PPP2R2A: variants seen among roughly 807,000 people sequenced by gnomAD.
The protein encoded by PPP2R2A is serine/threonine-protein phosphatase 2A 55 kDa regulatory subunit B alpha isoform.
Under a neutral mutation model 53.2 loss-of-function variants are expected in PPP2R2A, and 9 were observed. The observed-to-expected ratio is 0.17, with a 90% confidence interval of 0.10 to 0.30. PPP2R2A has a LOEUF of 0.30. Ranked by LOEUF, PPP2R2A falls within the 10% of genes least tolerant of loss-of-function variation. The pLI is 1.00. For synonymous variants in PPP2R2A, 169 were observed against 174.2 expected (o/e 0.97, Z 0.23); for missense variants, 235 against 534.6 (o/e 0.44, Z 5.53).
At chr8:26,304,705 T>A (rs1801932536) in intron 2 of PPP2R2A, among the ~76,000 whole-genome samples, 1 of 152,226 alleles carries the variant, frequency 6.6e-6, no homozygotes, top group African/African-American at 2.4e-5. Flanking sequence ...AAGGCTCTAA[T>A]TCAAGAGAAA....
intron 3 of PPP2R2A, 54 bp downstream of exon 3, chr8:26,339,041 T>G: frequency 7.5e-7 from 1 of 1,327,814 alleles, no homozygotes; most frequent in Non-Finnish European, 1.1e-6. Context: ...GGACTAGAGC[T>G]TGTGTTGCAC....
intron 4 of PPP2R2A, among the ~76,000 whole-genome samples, chr8:26,357,321 A>T (rs1479229346): frequency 7.4e-6 from 1 of 134,702 alleles, no homozygotes; most frequent in African/African-American, 2.7e-5. Flanking sequence ...TATAAAAACT[A>T]TATCTGTGGG....
Position 26,371,314 on chromosome 8 carries a change from A to G in PPP2R2A, c.*901A>G, listed in dbSNP as rs1191816576. 6.7e-6 allele frequency: 1 copy of G among 148,922 alleles called. No homozygotes were observed. Among genetic ancestry groups the G allele is most frequent in the African/African-American group, 2.5e-5 (1 of 40,716 alleles). 9.2% of individuals were successfully genotyped at this position (148,922 alleles called of 1,614,324 possible). A position where few individuals can be genotyped will look rare whatever the true frequency, so the allele number is the denominator to read the frequency against. ...GGTTCTCTATGAACATATTTTGAAT[A>G]TAGGTTTTATTAAGGATTTCACAAT... On this transcript the variant is annotated 3_prime_UTR_variant, in exon 10 of 10. Transcript: ENST00000380737.
intron 2 of PPP2R2A, among the ~76,000 whole-genome samples, chr8:26,316,574 T>C (rs1042096792): frequency 2.4e-4 from 37 of 152,352 alleles, no homozygotes; most frequent in African/African-American, 8.4e-4. Flanking sequence ...AAGACATTTG[T>C]CAAAGACCTT....
intron 2 of PPP2R2A, among the ~76,000 whole-genome samples, chr8:26,305,763 A>G (rs189590912): frequency 6.6e-6 from 1 of 152,314 alleles, no homozygotes; most frequent in East Asian, 1.9e-4. Flanking sequence ...AGATGATACT[A>G]GAGTCTGAGT....
chr8:26,358,624 C>CT (rs1214295328), intron 4 of PPP2R2A, among the ~76,000 whole-genome samples: 16 of 152,298 alleles, frequency 1.1e-4, no homozygotes, highest in East Asian at 1.9e-4. Context: ...TGGCATCTCT[C>CT]TGAGTTGTTT....
In PPP2R2A at chr8:26,363,780, A is replaced by G; in HGVS notation, c.862A>G (p.Ile288Val). 1 of 1,608,100 alleles carries G rather than the reference A, an allele frequency of 6.2e-7. No homozygotes were observed. Among genetic ancestry groups the G allele is most frequent in the Non-Finnish European group, 8.5e-7 (1 of 1,175,816 alleles). ...ATTTTTTTCCGAAATCATCTCCTCT[A>G]TTTCGGATGTAAAATTCAGCCATAG... ...RSFFSEIISS[I>V]SDVKFSHSGR... The change falls in exon 8 of 10, where the codon ATT becomes GTT. Residue 288 changes from isoleucine to valine, a missense_variant. Ile to Val is a conservative substitution (Grantham distance 29). This residue lies in a region of PPP2R2A where 181 missense variants were observed against 409.9 expected (regional missense o/e 0.44). Transcript: ENST00000380737.
intron 2 of PPP2R2A, among the ~76,000 whole-genome samples, chr8:26,330,411 C>T (rs1222152932): frequency 2.6e-5 from 4 of 150,986 alleles, no homozygotes; most frequent in South Asian, 2.1e-4. Flanking sequence ...CGGGTTCAAG[C>T]GATCCTCCCA....
intron 3 of PPP2R2A, among the ~76,000 whole-genome samples, chr8:26,349,655 A>G (rs1804394444): frequency 6.6e-6 from 1 of 152,222 alleles, no homozygotes; most frequent in Admixed American, 6.5e-5. Context: ...ATACTAGCAG[A>G]TTATTACATA....
At position 26,362,205 on chromosome 8, in the gene PPP2R2A, A is replaced by G. The variant is rs754375495; in HGVS notation, c.638-479A>G. 1.7e-4 allele frequency among the ~76,000 whole-genome samples: 26 copies of G among 151,784 alleles called. No individual in the cohort carries two copies. Among genetic ancestry groups the G allele is most frequent in the African/African-American group, 3.1e-4 (13 of 41,414 alleles). On this transcript the variant is annotated intron_variant, in intron 6 of 9. Coordinates refer to ENST00000380737, the MANE Select transcript of PPP2R2A (RefSeq NM_002717.4). This position sits in a 1 kb window ranked among gnomAD's most constrained non-coding sequence, Gnocchi z 4.4. ...ATGATTGGGTAAATAAAAATATTCT[A>G]TTGAGGCCGGGCACAGTGACTCATG...
intron 2 of PPP2R2A, among the ~76,000 whole-genome samples, chr8:26,319,024 G>GAGA (rs1802700333): frequency 6.6e-6 from 1 of 152,018 alleles, no homozygotes; most frequent in Non-Finnish European, 1.5e-5. Flanking sequence ...CCTCATTCCT[G>GAGA]TCTCCCCAGC....
chr8:26,336,446 C>T (rs1329140797), intron 2 of PPP2R2A, among the ~76,000 whole-genome samples: 1 of 151,818 alleles, frequency 6.6e-6, no homozygotes, highest in African/African-American at 2.4e-5. Flanking sequence ...AATAAATTGG[C>T]GTGGAATGTG....
chr8:26,310,668 C>T (rs67306062), intron 2 of PPP2R2A, among the ~76,000 whole-genome samples: 9,785 of 46,686 alleles, frequency 0.21, 490 homozygotes, highest in East Asian at 0.36. Context: ...TTTTTTTTTC[C>T]TTTTTTTTTT....
intron 1 of PPP2R2A, chr8:26,292,100 G>A: frequency 8.3e-7 from 1 of 1,200,008 alleles, no homozygotes; most frequent in Non-Finnish European, 1.0e-6. Context: ...CGTGGGTGGG[G>A]CGGGGTGGGG....
chr8:26,312,242 T>C (rs1021138144), intron 2 of PPP2R2A, among the ~76,000 whole-genome samples: 5 of 152,204 alleles, frequency 3.3e-5, no homozygotes, highest in African/African-American at 1.2e-4. Context: ...GTGTGCTGTT[T>C]TGTTAAAAGA....
chr8:26,309,757 G>A (rs1350704598), intron 2 of PPP2R2A, among the ~76,000 whole-genome samples: 1 of 152,120 alleles, frequency 6.6e-6, no homozygotes, highest in Non-Finnish European at 1.5e-5. Flanking sequence ...CAAGGAGGGA[G>A]AGAGAGAGGG....
intron 3 of PPP2R2A, among the ~76,000 whole-genome samples, chr8:26,343,052 C>T (rs527983301): frequency 6.6e-6 from 1 of 152,008 alleles, no homozygotes; most frequent in South Asian, 2.1e-4. Context: ...GTGGCACATA[C>T]CTGTAATCCC....
chr8:26,293,804 G>T, intron 2 of PPP2R2A, 64 bp downstream of exon 2: 1 of 1,454,990 alleles, frequency 6.9e-7, no homozygotes, highest in East Asian at 2.3e-5. Context: ...CCTACTGGAG[G>T]ATTTCCTTGA....
In PPP2R2A at chr8:26,321,569, T is replaced by C. The variant is rs369007701; in HGVS notation, c.83-17321T>C. ...TGTTGGGCTGCCCTATTTCACTTGCTGAGGGAAGCCAGCTACCATGTTTGT... is the reference window on the plus strand; with the variant it reads ...TGTTGGGCTGCCCTATTTCACTTGCCGAGGGAAGCCAGCTACCATGTTTGT... On this transcript the variant is annotated intron_variant, in intron 2 of 9. Transcript: ENST00000380737. This position sits in a 1 kb window ranked among gnomAD's most constrained non-coding sequence, Gnocchi z 4.1. Among the ~76,000 whole-genome samples, 12 of 152,354 alleles carry C rather than the reference T, an allele frequency of 7.9e-5. No homozygotes were observed. Among genetic ancestry groups the C allele is most frequent in the African/African-American group, 2.9e-4 (12 of 41,586 alleles).
Sources: gnomAD v4.1 joint callset for allele counts (sites outside exome capture counted in the v4.1 genomes callset) on GRCh38, gnomAD v4.1.1 for gene constraint, gnomAD v4.1.1 regional missense constraint, Gnocchi (gnomAD v3.1) non-coding constraint, MANE v1.5 for transcripts, NCBI Gene and HGNC (gene_info 2026-07-23, HGNC 2026-07-21) for gene names.